Variants in SUSD4 observed in about 807,000 individuals in gnomAD.
SUSD4 encodes sushi domain-containing protein 4.
A neutral mutation model predicts 50.5 loss-of-function variants in SUSD4; 41 were observed. That is an observed-to-expected ratio of 0.81 (90% CI 0.63 to 1.05). The LOEUF (loss-of-function observed/expected upper bound fraction) is 1.05, where lower values mean the gene tolerates loss of function less well. Ranked by LOEUF, SUSD4 falls within the 50% of genes least tolerant of loss-of-function variation. The pLI, the probability that SUSD4 is intolerant of heterozygous loss-of-function variation, is 0.00. For missense variants in SUSD4, 580 were observed against 634.7 expected (o/e 0.91, Z 0.93); for synonymous variants, 257 against 257.3 (o/e 1.00, Z 0.01).
At chr1:223,244,073 T>C (rs747770268) in intron 5 of SUSD4, among the ~76,000 whole-genome samples, 63 of 152,204 alleles carry the variant, frequency 4.1e-4, no homozygotes, top group Non-Finnish European at 7.6e-4. Context: ...GGATAGGCCT[T>C]CTCCTCTAGC....
intron 8 of SUSD4, 57 bp from the exon 9 acceptor site, chr1:223,222,277 T>C: frequency 1.3e-6 from 2 of 1,546,652 alleles, no homozygotes; most frequent in Non-Finnish European, 1.8e-6. Context: ...CATGACGATC[T>C]GGAATTATAT....
intron 6 of SUSD4, among the ~76,000 whole-genome samples, chr1:223,228,178 G>A (rs1191787431): frequency 6.6e-6 from 1 of 152,114 alleles, no homozygotes; most frequent in Non-Finnish European, 1.5e-5. Flanking sequence ...GAGGGTAAAG[G>A]GGACCCCTGT....
At chr1:223,230,095 G>A (rs1659792446) in intron 5 of SUSD4, among the ~76,000 whole-genome samples, 1 of 152,168 alleles carries the variant, frequency 6.6e-6, no homozygotes, top group African/African-American at 2.4e-5. Context: ...ACGCCTTAGG[G>A]TTCTGACTCG....
At chr1:223,254,022 T>C (rs1320396032) in intron 5 of SUSD4, among the ~76,000 whole-genome samples, 1 of 152,210 alleles carries the variant, frequency 6.6e-6, no homozygotes. Flanking sequence ...AGGAGGATTA[T>C]ATTTTGGTGA....
intron 2 of SUSD4, among the ~76,000 whole-genome samples, chr1:223,338,550 C>T (rs900300051): frequency 7.2e-5 from 11 of 152,186 alleles, no homozygotes; most frequent in Admixed American, 5.9e-4. Flanking sequence ...CAACTCTGTT[C>T]ACCACAAGGA....
chr1:223,228,002 G>T (rs1382460930), intron 6 of SUSD4, among the ~76,000 whole-genome samples: 2 of 152,224 alleles, frequency 1.3e-5, no homozygotes, highest in Non-Finnish European at 2.9e-5. Flanking sequence ...CCAGGCGCAG[G>T]CCTGGCACAG....
intron 4 of SUSD4, 69 bp from the exon 5 acceptor site, chr1:223,264,887 A>T: frequency 6.7e-7 from 1 of 1,492,554 alleles, no homozygotes. Context: ...AGTCACACAG[A>T]ACACTGGAAC....
At chr1:223,345,050 G>T (rs191958692) in intron 2 of SUSD4, among the ~76,000 whole-genome samples, 23 of 152,282 alleles carry the variant, frequency 1.5e-4, no homozygotes, top group African/African-American at 5.5e-4. Context: ...TTGTTATTAA[G>T]TCTACATATA....
At position 223,227,676 on chromosome 1, in the gene SUSD4, C is replaced by T; in HGVS notation, c.979G>A (p.Ala327Thr). 1 of 1,613,626 alleles carries T rather than the reference C, an allele frequency of 6.2e-7. No homozygotes were observed. Among genetic ancestry groups the T allele is most frequent in the Non-Finnish European group, 8.5e-7 (1 of 1,179,858 alleles). ...LTTWKIVAFT[A>T]TSVLLVLLLV... ...AGCAGCACCAGCAGCACACTGGTTGCCGTGAACGCCACAATCTTCCACGTG... is the reference window on the plus strand; with the variant it reads ...AGCAGCACCAGCAGCACACTGGTTGTCGTGAACGCCACAATCTTCCACGTG... Residue 327 changes from alanine (A) to threonine (T), a missense_variant, in exon 7 of 9, where the codon GCA (alanine) becomes ACA (threonine). Ala to Thr is a moderately conservative substitution (Grantham distance 58). Coordinates refer to ENST00000366878, the MANE Select transcript of SUSD4 (RefSeq NM_017982.4). This position sits in a 1 kb window ranked among gnomAD's most constrained non-coding sequence, Gnocchi z 4.5.
intron 3 of SUSD4, among the ~76,000 whole-genome samples, chr1:223,292,131 T>G (rs1461397915): frequency 6.6e-6 from 1 of 152,204 alleles, no homozygotes; most frequent in Non-Finnish European, 1.5e-5. Flanking sequence ...TGAAAATGAG[T>G]GCTGAGTTGG....
In SUSD4 at chr1:223,227,447, G is replaced by A; in HGVS notation, c.1061+147C>T. 1 of 1,114,166 alleles carries A rather than the reference G, an allele frequency of 9.0e-7. No homozygotes were observed. 69.0% of individuals were successfully genotyped at this position (1,114,166 alleles called of 1,614,324 possible). ...AAATGAGGTCTGTCTCCAGCTTTGT[G>A]CTCAAAACATCCCAGAACATTGTTT... On this transcript the variant is annotated intron_variant, in intron 7 of 8. Coordinates refer to ENST00000366878, the MANE Select transcript of SUSD4 (RefSeq NM_017982.4). The surrounding 1 kb of genome is among the most constrained non-coding windows in gnomAD (Gnocchi z 4.5).
intron 3 of SUSD4, among the ~76,000 whole-genome samples, chr1:223,275,851 G>T (rs1050491237): frequency 1.4e-4 from 22 of 152,180 alleles, no homozygotes; most frequent in African/African-American, 5.3e-4. Flanking sequence ...AACAAGCGCT[G>T]GCCCATCTCT....
At chr1:223,233,648 CTG>C (rs938632760) in intron 5 of SUSD4, among the ~76,000 whole-genome samples, 13 of 152,184 alleles carry the variant, frequency 8.5e-5, no homozygotes, top group African/African-American at 3.1e-4. Flanking sequence ...TTGAAATAAC[CTG>C]TGTGTTCCTA....
chr1:223,324,072 T>C (rs1383395013), intron 2 of SUSD4, among the ~76,000 whole-genome samples: 1 of 150,822 alleles, frequency 6.6e-6, no homozygotes, highest in African/African-American at 2.4e-5. Flanking sequence ...TCTTTACTTT[T>C]TGGCACATCC....
chr1:223,312,095 T>C (rs956351876), intron 2 of SUSD4, among the ~76,000 whole-genome samples: 12 of 152,330 alleles, frequency 7.9e-5, no homozygotes, highest in Admixed American at 7.8e-4. Flanking sequence ...GGTTCATGAA[T>C]GGTTCTCAAA....
At chr1:223,252,914 A>C (rs1039288847) in intron 5 of SUSD4, among the ~76,000 whole-genome samples, 3 of 151,954 alleles carry the variant, frequency 2.0e-5, no homozygotes, top group Non-Finnish European at 4.4e-5. Flanking sequence ...AACATGGTAA[A>C]AAACCCCATC....
At chr1:223,264,338 T>C (rs759662412) in intron 5 of SUSD4, 333 of 1,110,354 alleles carry the variant, frequency 3.0e-4, no homozygotes, top group Non-Finnish European at 3.5e-4. Flanking sequence ...AAATTAATTT[T>C]TGAAGACATT....
intron 2 of SUSD4, among the ~76,000 whole-genome samples, chr1:223,329,129 T>C (rs1210818288): frequency 6.6e-6 from 1 of 152,244 alleles, no homozygotes; most frequent in African/African-American, 2.4e-5. Flanking sequence ...GACCTCTCTG[T>C]GGGTAATTCT....
chr1:223,351,340 G>A (rs1332224636), intron 2 of SUSD4, among the ~76,000 whole-genome samples: 1 of 152,250 alleles, frequency 6.6e-6, no homozygotes, highest in African/African-American at 2.4e-5. Context: ...AGTGGGAGCA[G>A]GTTTGTCCAG....
Sources: allele counts gnomAD v4.1 joint callset (sites outside exome capture counted in the v4.1 genomes callset), GRCh38; gene constraint gnomAD v4.1.1; non-coding constraint Gnocchi (gnomAD v3.1); transcripts MANE v1.5; gene names NCBI Gene and HGNC (gene_info 2026-07-23, HGNC 2026-07-21).